The following TJP2 variants were observed in gnomAD, a reference collection of about 807,000 sequenced individuals.
TJP2 encodes Friedreich ataxia region gene X104 (tight junction protein ZO-2).
In TJP2, 91 loss-of-function variants were observed where a neutral mutation model predicts 133.1. That is an observed-to-expected ratio of 0.68 (90% CI 0.58 to 0.81). The LOEUF (loss-of-function observed/expected upper bound fraction) is 0.81. Ranked by LOEUF, TJP2 falls within the 40% of genes least tolerant of loss-of-function variation. The pLI is 0.00. For missense variants in TJP2, 1,541 were observed against 1,565.6 expected, an observed-to-expected ratio of 0.98 and a Z score of 0.26; for synonymous variants, 592 against 583.4, an observed-to-expected ratio of 1.01 and a Z score of -0.21.
At chr9:69,193,676 C>CTTT (rs11312165) in intron 1 of TJP2, among the ~76,000 whole-genome samples, 4 of 138,768 alleles carry the variant, frequency 2.9e-5, no homozygotes, top group African/African-American at 8.2e-5. Flanking sequence ...AACACCTGAA[C>CTTT]TTTTTTTTTT....
intron 1 of TJP2, chr9:69,204,726 T>C: frequency 1.4e-6 from 1 of 740,580 alleles, no homozygotes; most frequent in Non-Finnish European, 1.6e-6. Context: ...GCTAGTTTAT[T>C]TCTAGCTGGC....
chr9:69,189,268 G>A (rs1360152567), intron 1 of TJP2, among the ~76,000 whole-genome samples: 1 of 152,134 alleles, frequency 6.6e-6, no homozygotes, highest in Non-Finnish European at 1.5e-5. Context: ...AGCCCAAGGG[G>A]TGGAAAGACC....
chr9:69,163,249 G>A (rs1824180872), intron 2 of TJP2, among the ~76,000 whole-genome samples: 1 of 47,468 alleles, frequency 2.1e-5, no homozygotes, highest in African/African-American at 8.3e-5. Flanking sequence ...GGATGGTCTC[G>A]ATCTCCTGAC....
At chr9:69,211,202 T>C (rs886849771) in intron 1 of TJP2, among the ~76,000 whole-genome samples, 4 of 152,118 alleles carry the variant, frequency 2.6e-5, no homozygotes, top group Non-Finnish European at 5.9e-5. Flanking sequence ...CCGGGCGTGG[T>C]AGTGCGCACC....
chr9:69,156,744 C>T (rs1457251485), intron 2 of TJP2, among the ~76,000 whole-genome samples: 2 of 151,846 alleles, frequency 1.3e-5, no homozygotes, highest in South Asian at 2.1e-4. Flanking sequence ...TGGTCTCGAT[C>T]TCCTGACCTC....
intron 1 of TJP2, chr9:69,205,138 C>CT (rs1162535246): frequency 6.5e-7 from 1 of 1,537,052 alleles, no homozygotes; most frequent in Admixed American, 2.0e-5. Context: ...AGGCGGTGGC[C>CT]TGGCCCATGC....
At chr9:69,205,783 A>G (rs960479474) in intron 1 of TJP2, among the ~76,000 whole-genome samples, 1 of 152,140 alleles carries the variant, frequency 6.6e-6, no homozygotes, top group Non-Finnish European at 1.5e-5. Context: ...CTTTGGTTTT[A>G]GCTTTGACCT....
chr9:69,155,468 C>T (rs1312486999), intron 2 of TJP2, among the ~76,000 whole-genome samples: 6 of 152,232 alleles, frequency 3.9e-5, no homozygotes, highest in Non-Finnish European at 8.8e-5. Context: ...TGTTAAAACA[C>T]GGATTCCTGG....
Position 69,208,820 on chromosome 9 carries a change from AT to A in TJP2, c.61-3720del, listed in dbSNP as rs560926376. Among the ~76,000 whole-genome samples the A allele has an allele frequency of 4.4e-3, 662 of 152,000 alleles. 7 individuals carry two copies. Among genetic ancestry groups the A allele is most frequent in the African/African-American group, 0.014 (596 of 41,472 alleles). On this transcript the variant is annotated intron_variant, in intron 1 of 22. Coordinates refer to ENST00000377245, the MANE Select transcript of TJP2 (RefSeq NM_004817.4). Reference sequence around the variant, plus strand: ...AGTTTTGTGGGGAGGATGTCATGTAATTTTTTTTCCCCCTTAATTCATGGGG... The same window carrying A: ...AGTTTTGTGGGGAGGATGTCATGTAATTTTTTTCCCCCTTAATTCATGGGG...
At chr9:69,240,416 A>G (rs1323131760) in intron 17 of TJP2, among the ~76,000 whole-genome samples, 1 of 152,234 alleles carries the variant, frequency 6.6e-6, no homozygotes, top group East Asian at 1.9e-4. Flanking sequence ...CTGTGAGACT[A>G]TAAGGCTAGT....
chr9:69,244,264 A>T (rs1483849930), intron 17 of TJP2, among the ~76,000 whole-genome samples: 1 of 151,840 alleles, frequency 6.6e-6, no homozygotes, highest in Non-Finnish European at 1.5e-5. Context: ...CATCACAACC[A>T]ATCAATCTTA....
Position 69,248,028 on chromosome 9 carries a change from A to G in TJP2, c.2684A>G (p.Asp895Gly). 2.5e-6 allele frequency: 4 copies of G among 1,607,980 alleles called. No homozygotes were observed. Among genetic ancestry groups the G allele is most frequent in the Non-Finnish European group, 3.4e-6 (4 of 1,175,722 alleles). Residue 895 changes from aspartate (D) to glycine (G), a missense_variant, in exon 19 of 23, where the codon GAT becomes GGT. Transcript: ENST00000377245. Reference sequence around the variant, plus strand: ...TTCCTCTAGATGGAAGGGATGGATGATGACCCCGAAGACCGCATGTCCTAC... The same window carrying G: ...TTCCTCTAGATGGAAGGGATGGATGGTGACCCCGAAGACCGCATGTCCTAC... Reference protein sequence around the residue: ...VSEGKMEGMDDDPEDRMSYLT... With the variant: ...VSEGKMEGMDGDPEDRMSYLT...
At chr9:69,122,010 T>G (rs1234246260) in intron 1 of TJP2, 2 of 152,332 alleles carry the variant, frequency 1.3e-5, no homozygotes, top group Non-Finnish European at 2.9e-5. Context: ...TTTCACTGCT[T>G]CCTCATCGCC....
rs994761296 is a variant in TJP2, at chr9:69,254,142, T to C, written c.3408-67T>C. 4.4e-6 allele frequency: 7 copies of C among 1,585,404 alleles called. No individual in the cohort carries two copies. In the African/African-American group the frequency reaches 8.1e-5, roughly 18 times the overall value. ...TACCCAGTCACTGTGCTCAGAGCCATGCCTCCCCGGGCAGCCGGAGGACAT... is the reference window on the plus strand; with the variant it reads ...TACCCAGTCACTGTGCTCAGAGCCACGCCTCCCCGGGCAGCCGGAGGACAT... On this transcript the variant is annotated intron_variant, in intron 22 of 22. Coordinates refer to ENST00000377245, the MANE Select transcript of TJP2 (RefSeq NM_004817.4).
At position 69,248,221 on chromosome 9, in the gene TJP2, G is replaced by GGAGGT; in HGVS notation, c.2880+2_2880+6dup. 6.3e-7 allele frequency: 1 copy of GGAGGT among 1,595,996 alleles called. No homozygotes were observed. The highest frequency in any genetic ancestry group is 8.5e-7 in the Non-Finnish European group (1 of 1,170,154). ...GCTCCTCGGAGCCGGTGCAGCACGA[G>GGAGGT]GAGGTGAGGCGAGGCAGGCCACGGG... On this transcript the variant is annotated frameshift_variant, in exon 19 of 23. Transcript: ENST00000377245. LOFTEE classifies it high-confidence loss of function.
upstream of TJP2, among the ~76,000 whole-genome samples, chr9:69,171,216 A>G (rs147079982): frequency 9.2e-5 from 14 of 152,188 alleles, no homozygotes; most frequent in Middle Eastern, 3.4e-3. Flanking sequence ...GCGTCTCCCC[A>G]TATCTAGTCA....
chr9:69,237,282 A>G (rs923808817), intron 14 of TJP2, 146 bp downstream of exon 14: 2 of 1,018,000 alleles, frequency 2.0e-6, no homozygotes, highest in Non-Finnish European at 3.0e-6. Flanking sequence ...AATTCTAACA[A>G]GGAGCATGAT....
chr9:69,167,422 ACTC>A (rs1168573463), intron 2 of TJP2, among the ~76,000 whole-genome samples: 1 of 152,068 alleles, frequency 6.6e-6, no homozygotes, highest in African/African-American at 2.4e-5. Context: ...GCTCTTCTGA[ACTC>A]CTCAGATGCT....
In TJP2 at chr9:69,225,128, C is replaced by T. The variant is rs528235730; in HGVS notation, c.953-176C>T. ...TTTTAATCTGGAACAGTTTCTCTAC[C>T]TTTTTTGTTTTTTATGGCATTGACT... On this transcript the variant is annotated intron_variant, in intron 5 of 22. Transcript: ENST00000377245. Among the ~76,000 whole-genome samples the T allele has an allele frequency of 1.6e-3, 246 of 152,222 alleles. 1 individual carries two copies. The highest frequency in any genetic ancestry group is 5.7e-3 in the African/African-American group (238 of 41,558).
Sources: gnomAD v4.1 joint callset for allele counts (sites outside exome capture counted in the v4.1 genomes callset) on GRCh38, gnomAD v4.1.1 for gene constraint, MANE v1.5 for transcripts, NCBI Gene and HGNC (gene_info 2026-07-23, HGNC 2026-07-21) for gene names.